The following MARF1 variants were observed in gnomAD, a reference collection of about 807,000 sequenced individuals.
The protein encoded by MARF1 is limkain-b1.
In MARF1, 24 loss-of-function variants were observed where a neutral mutation model predicts 168.2. The observed-to-expected ratio is 0.14, with a 90% CI of 0.10 to 0.20. The LOEUF is 0.20. MARF1 is among the 10% of genes least tolerant of loss of function. MARF1 has a pLI of 1.00. For synonymous variants in MARF1, 868 were observed against 822.4 expected (o/e 1.06, Z -0.95); for missense variants, 1,744 against 2,143.6 (o/e 0.81, Z 3.68).
chr16:15,610,175 T>C (rs935813394), intron 19 of MARF1: 3 of 154,820 alleles, frequency 1.9e-5, no homozygotes, highest in African/African-American at 7.2e-5. Flanking sequence ...GAAGAGAGAA[T>C]CAGGCTTCAA....
chr16:15,606,238 G>A (rs2033000694), intron 21 of MARF1: 1 of 152,552 alleles, frequency 6.6e-6, no homozygotes, highest in African/African-American at 2.4e-5. Flanking sequence ...CCACTCCCTT[G>A]CTTCACTCTC....
chr16:15,605,567 A>T (rs1239569394), intron 21 of MARF1, among the ~76,000 whole-genome samples: 2 of 151,912 alleles, frequency 1.3e-5, no homozygotes, highest in Admixed American at 1.3e-4. Context: ...CACCATCACT[A>T]CAGCTGCTTA....
intron 4 of MARF1, 33 bp from the exon 5 acceptor site, chr16:15,633,876 A>G (rs1470632329): frequency 1.3e-6 from 2 of 1,520,020 alleles, no homozygotes; most frequent in Admixed American, 3.8e-5. Context: ...AATTACTTGT[A>G]GTGGAAAATA....
At chr16:15,618,671 C>A (rs2034240800) in intron 13 of MARF1, among the ~76,000 whole-genome samples, 1 of 152,138 alleles carries the variant, frequency 6.6e-6, no homozygotes, top group Non-Finnish European at 1.5e-5. Context: ...CTCCTTCCCC[C>A]TCCCAACCTT....
intron 1 of MARF1, among the ~76,000 whole-genome samples, chr16:15,639,575 A>G (rs1445326749): frequency 3.3e-5 from 5 of 152,026 alleles, no homozygotes; most frequent in African/African-American, 9.7e-5. Flanking sequence ...TAATTTTTAT[A>G]TTTTTAGTAG....
At chr16:15,603,867 C>T (rs1596442712) in intron 22 of MARF1, among the ~76,000 whole-genome samples, 2 of 152,076 alleles carry the variant, frequency 1.3e-5, no homozygotes, top group Admixed American at 6.5e-5. Flanking sequence ...AAAACAGTAG[C>T]GAAATCCATC....
chr16:15,611,522 T>C, intron 18 of MARF1, 70 bp downstream of exon 18: 2 of 1,392,834 alleles, frequency 1.4e-6, no homozygotes, highest in Non-Finnish European at 2.0e-6. Flanking sequence ...TAGATAACTA[T>C]TTAGAGTTTG....
At chr16:15,616,432 T>C (rs1176997921) in intron 15 of MARF1, among the ~76,000 whole-genome samples, 4 of 152,214 alleles carry the variant, frequency 2.6e-5, no homozygotes, top group African/African-American at 7.2e-5. Flanking sequence ...CTGTGTACTC[T>C]CAACACTTGT....
chr16:15,631,756 C>T (rs1053457410), intron 5 of MARF1, among the ~76,000 whole-genome samples: 1 of 152,070 alleles, frequency 6.6e-6, no homozygotes, highest in African/African-American at 2.4e-5. Flanking sequence ...CCCCCAACCC[C>T]GACAGACAGA....
At chr16:15,599,215 G>C (rs968194217) in intron 25 of MARF1, 191 bp from the exon 26 acceptor site, 50 of 618,374 alleles carry the variant, frequency 8.1e-5, no homozygotes, top group Admixed American at 2.6e-4. Context: ...TCCTGGTAAT[G>C]GAACGCCTTA....
rs561035775 is a variant in MARF1, at chr16:15,639,741, TAAAG to T, written c.-58-454_-58-451del. 1.1e-4 allele frequency among the ~76,000 whole-genome samples: 16 copies of T among 151,926 alleles called. 1 individual carries two copies. The highest frequency in any genetic ancestry group is 2.2e-4 in the African/African-American group (9 of 41,360). ...AACAAACAAAATAATAATAATAAAA[TAAAG>T]AAAGAAAAAAACACAAAATATCAGA... On this transcript the variant is annotated intron_variant, in intron 1 of 26. Transcript: ENST00000396368.
chr16:15,601,316 G>A (rs2032400318), intron 23 of MARF1: 1 of 337,740 alleles, frequency 3.0e-6, no homozygotes, highest in Non-Finnish European at 5.9e-6. Flanking sequence ...CACTGACCCA[G>A]ACCTCTGCAG....
intron 25 of MARF1, among the ~76,000 whole-genome samples, chr16:15,600,053 T>G (rs1399451369): frequency 6.6e-6 from 1 of 152,202 alleles, no homozygotes; most frequent in Non-Finnish European, 1.5e-5. Context: ...TTCCACCCAC[T>G]GAGCCCTCAC....
At chr16:15,632,399 C>G (rs987250521) in intron 5 of MARF1, among the ~76,000 whole-genome samples, 13 of 152,124 alleles carry the variant, frequency 8.5e-5, no homozygotes, top group Admixed American at 1.3e-4. Flanking sequence ...CTTTTAGCAG[C>G]TGGAAGCCAT....
chr16:15,624,879 T>C lies in MARF1; in HGVS notation c.2160A>G (p.Lys720=). 1.2e-6 allele frequency: 2 copies of C among 1,614,208 alleles called. No individual in the cohort carries two copies. Among genetic ancestry groups the C allele is most frequent in the Non-Finnish European group, 1.7e-6 (2 of 1,180,046 alleles). ...ARSVTSSPVE[K]KDKEETVFQV... is the part of the protein sequence containing the mutation. ...GGAATACAGTCTCCTCTTTATCTTT[T>C]TTCTCTACAGGAGAACTGGTAACAC... is the stretch of plus-strand genomic sequence containing the variant. The change falls in exon 10 of 27, where the codon AAA becomes AAG. Residue 720 remains lysine (K), a synonymous_variant. Transcript: ENST00000396368.
At chr16:15,619,834 C>A (rs2034320283) in intron 13 of MARF1, among the ~76,000 whole-genome samples, 1 of 152,102 alleles carries the variant, frequency 6.6e-6, no homozygotes, top group African/African-American at 2.4e-5. Context: ...TGTCCTGGAG[C>A]TTATAGTCTA....
Position 15,613,166 on chromosome 16 carries a change from G to C in MARF1, c.3254-389C>G, listed in dbSNP as rs141210614. 2.0e-5 allele frequency among the ~76,000 whole-genome samples: 3 copies of C among 152,278 alleles called. No individual in the cohort carries two copies. The East Asian group carries it at 5.8e-4, about 29-fold the overall frequency. ...TCCACAAAGTTATAAATGGTCATCAGGTAGGTGGCCCAGAAGAGCAAAATT... is the reference window on the plus strand; with the variant it reads ...TCCACAAAGTTATAAATGGTCATCACGTAGGTGGCCCAGAAGAGCAAAATT... On this transcript the variant is annotated intron_variant, in intron 16 of 26. Coordinates refer to ENST00000396368, the MANE Select transcript of MARF1 (RefSeq NM_014647.4).
chr16:15,621,572 C>G, intron 12 of MARF1, 161 bp downstream of exon 12: 1 of 729,064 alleles, frequency 1.4e-6, no homozygotes, highest in Non-Finnish European at 2.2e-6. Flanking sequence ...AGACAAGAGT[C>G]AAATGGCTTG....
chr16:15,600,886 AC>A (rs1163552887), intron 23 of MARF1, 185 bp from the exon 24 acceptor site: 1 of 717,582 alleles, frequency 1.4e-6, no homozygotes, highest in African/African-American at 1.8e-5. Flanking sequence ...ACAGAAACAT[AC>A]CCCTATAAAA....
Sources: gnomAD v4.1 joint callset for allele counts (sites outside exome capture counted in the v4.1 genomes callset) on GRCh38, gnomAD v4.1.1 for gene constraint, MANE v1.5 for transcripts, NCBI Gene and HGNC (gene_info 2026-07-23, HGNC 2026-07-21) for gene names.